Variants in GREM2 observed in about 807,000 individuals in gnomAD.
GREM2 encodes the protein gremlin-2.
GREM2 carries 11 observed loss-of-function variants against 14.2 expected under a neutral mutation model. The observed-to-expected ratio is 0.78, with a 90% confidence interval of 0.49 to 1.28. GREM2 has a LOEUF of 1.28. Among genes scored for constraint, GREM2 ranks in the 50% most tolerant of loss-of-function variants. GREM2 has a pLI of 0.00. For missense variants in GREM2, 210 were observed against 218.5 expected (o/e 0.96, Z 0.24); for synonymous variants, 98 against 97.6 (o/e 1.00, Z -0.02).
At chr1:240,525,202 T>G (rs541057086) in intron 1 of GREM2, among the ~76,000 whole-genome samples, 1 of 152,294 alleles carries the variant, frequency 6.6e-6, no homozygotes, top group South Asian at 2.1e-4. Flanking sequence ...TGTCCTAATT[T>G]CTTTCCTTAA....
intron 1 of GREM2, among the ~76,000 whole-genome samples, chr1:240,506,579 C>A (rs574673163): frequency 6.6e-6 from 1 of 151,930 alleles, no homozygotes; most frequent in South Asian, 2.1e-4. Context: ...ATGGGAGTTA[C>A]GGGAAAAGTG....
chr1:240,550,505 G>A (rs1273552937), intron 1 of GREM2: 1 of 152,328 alleles, frequency 6.6e-6, no homozygotes, highest in East Asian at 1.9e-4. Flanking sequence ...ACCCAGGATG[G>A]AGGATAGCAT....
At chr1:240,595,235 G>C in intron 1 of GREM2, among the ~76,000 whole-genome samples, 1 of 152,182 alleles carries the variant, frequency 6.6e-6, no homozygotes, top group East Asian at 1.9e-4. Flanking sequence ...GGGAGGCTGA[G>C]GCAGGAGAAT....
chr1:240,563,784 C>G (rs1679119100), intron 1 of GREM2, among the ~76,000 whole-genome samples: 1 of 152,188 alleles, frequency 6.6e-6, no homozygotes, highest in African/African-American at 2.4e-5. Context: ...TTTCCTTTAA[C>G]CTTCCTTTTT....
At chr1:240,519,979 C>T (rs1678043864) in intron 1 of GREM2, among the ~76,000 whole-genome samples, 1 of 152,084 alleles carries the variant, frequency 6.6e-6, no homozygotes, top group African/African-American at 2.4e-5. Flanking sequence ...ACTCAGGAGG[C>T]TGAGGCATGA....
At position 240,493,206 on chromosome 1, in the gene GREM2, G is replaced by T. The variant is rs1439972882; in HGVS notation, c.270C>A (p.Arg90=). 1 of 1,613,994 alleles carries T rather than the reference G, an allele frequency of 6.2e-7. No homozygotes were observed. The highest frequency in any genetic ancestry group is 1.7e-5 in the Admixed American group (1 of 60,004). The change falls in exon 2 of 2, where the codon CGC becomes CGA. Residue 90 remains arginine, a synonymous_variant. Coordinates refer to ENST00000318160, the MANE Select transcript of GREM2 (RefSeq NM_022469.4). ...QTVSEEGCRS[R]TILNRFCYGQ... ...CGTAGCAGAAGCGGTTGAGGATGGT[G>T]CGGCTCCGGCAGCCCTCCTCGCTCA...
intron 1 of GREM2, among the ~76,000 whole-genome samples, chr1:240,603,790 AT>A (rs1198145103): frequency 6.6e-6 from 1 of 151,722 alleles, no homozygotes; most frequent in Non-Finnish European, 1.5e-5. Flanking sequence ...TTATTGTGTT[AT>A]TATATATGTA....
Position 240,540,882 on chromosome 1 carries a change from G to C in GREM2, c.-1-47406C>G, listed in dbSNP as rs1248471682. Among the ~76,000 whole-genome samples, 3 of 152,090 alleles carry C rather than the reference G, an allele frequency of 2.0e-5. No homozygotes were observed. Among genetic ancestry groups the C allele is most frequent in the Non-Finnish European group, 4.4e-5 (3 of 68,014 alleles). Reference sequence around the variant, plus strand: ...GGCCGCATAATACTTCTTAAAAGAAGACAGTTACTAAGGAGAGAGATGGCA... The same window carrying C: ...GGCCGCATAATACTTCTTAAAAGAACACAGTTACTAAGGAGAGAGATGGCA... On this transcript the variant is annotated intron_variant, in intron 1 of 1. Coordinates refer to ENST00000318160, the MANE Select transcript of GREM2 (RefSeq NM_022469.4). This position sits in a 1 kb window ranked among gnomAD's most constrained non-coding sequence, Gnocchi z 4.2.
At chr1:240,496,286 G>A (rs1338452791) in intron 1 of GREM2, among the ~76,000 whole-genome samples, 1 of 152,056 alleles carries the variant, frequency 6.6e-6, no homozygotes, top group Admixed American at 6.6e-5. Flanking sequence ...CCACTCCCCT[G>A]CATCTCACCA....
chr1:240,526,299 C>G (rs1356648270), intron 1 of GREM2, among the ~76,000 whole-genome samples: 1 of 152,170 alleles, frequency 6.6e-6, no homozygotes, highest in Non-Finnish European at 1.5e-5. Context: ...ATTTTATAAT[C>G]ATATCATGAC....
At position 240,542,487 on chromosome 1, in the gene GREM2, C is replaced by T. The variant is rs940911073; in HGVS notation, c.-1-49011G>A. The stretch of plus-strand genomic sequence containing the variant: ...AAAATTAGCTGGGTGTGGTGGTGCG[C>T]ACCTGTAGTCCCAGCTACTCGGGAG... On this transcript the variant is annotated intron_variant, in intron 1 of 1. Coordinates refer to ENST00000318160, the MANE Select transcript of GREM2 (RefSeq NM_022469.4). The surrounding 1 kb of genome is among the most constrained non-coding windows in gnomAD (Gnocchi z 4.1). Among the ~76,000 whole-genome samples, 1 of 150,952 alleles carries T rather than the reference C, an allele frequency of 6.6e-6. No individual in the cohort carries two copies. Among genetic ancestry groups the T allele is most frequent in the Non-Finnish European group, 1.5e-5 (1 of 67,816 alleles).
chr1:240,606,840 G>A (rs1277346710), intron 1 of GREM2, among the ~76,000 whole-genome samples: 3 of 151,854 alleles, frequency 2.0e-5, no homozygotes, highest in Non-Finnish European at 2.9e-5. Context: ...CACCATGCCC[G>A]GCTAATTTTG....
intron 1 of GREM2, among the ~76,000 whole-genome samples, chr1:240,558,871 A>G (rs1678993730): frequency 6.6e-6 from 1 of 152,126 alleles, no homozygotes; most frequent in African/African-American, 2.4e-5. Flanking sequence ...TATATTTCCC[A>G]AAACAACAAA....
intron 1 of GREM2, among the ~76,000 whole-genome samples, chr1:240,606,380 T>C (rs2102874670): frequency 6.6e-6 from 1 of 152,348 alleles, no homozygotes; most frequent in African/African-American, 2.4e-5. Context: ...AAATTTGAGC[T>C]ATTACAATGA....
chr1:240,585,261 C>A (rs1463857368), intron 1 of GREM2, among the ~76,000 whole-genome samples: 1 of 152,084 alleles, frequency 6.6e-6, no homozygotes, highest in African/African-American at 2.4e-5. Flanking sequence ...AAAGGAGACA[C>A]CCCCTCTTAG....
At chr1:240,549,006 A>G (rs1678791815) in intron 1 of GREM2, among the ~76,000 whole-genome samples, 1 of 152,212 alleles carries the variant, frequency 6.6e-6, no homozygotes, top group South Asian at 2.1e-4. Flanking sequence ...AAACAGATCC[A>G]GTCAAGGAAG....
chr1:240,544,426 C>T lies in GREM2; in HGVS notation c.-1-50950G>A, dbSNP rs182295919. Among the ~76,000 whole-genome samples, 163 of 152,210 alleles carry T rather than the reference C, an allele frequency of 1.1e-3. 1 individual carries two copies. The highest frequency in any genetic ancestry group is 3.5e-3 in the African/African-American group (146 of 41,532). ...CCTCCCAAAGTGCTGGGATTACAGG[C>T]GTGAGCCACCGCGCCTGGCCAGTAC... On this transcript the variant is annotated intron_variant, in intron 1 of 1. Coordinates refer to ENST00000318160, the MANE Select transcript of GREM2 (RefSeq NM_022469.4).
rs1274623650 is a variant in GREM2, at chr1:240,540,513, C to T, written c.-1-47037G>A. On this transcript the variant is annotated intron_variant, in intron 1 of 1. Transcript: ENST00000318160. This position sits in a 1 kb window ranked among gnomAD's most constrained non-coding sequence, Gnocchi z 4.2. ...TGTTCTAGTAAGACTGGAATCACTA[C>T]CATTAACAGCAAAGAACACAAACAG... 6.6e-6 allele frequency among the ~76,000 whole-genome samples: 1 copy of T among 151,798 alleles called. No homozygotes were observed. Among genetic ancestry groups the T allele is most frequent in the Admixed American group, 6.6e-5 (1 of 15,232 alleles).
chr1:240,554,715 T>G (rs770110754), intron 1 of GREM2, among the ~76,000 whole-genome samples: 1 of 152,246 alleles, frequency 6.6e-6, no homozygotes, highest in Non-Finnish European at 1.5e-5. Context: ...ATGGTTTTCA[T>G]GTATGCTTAA....
Sources: gnomAD v4.1 joint callset for allele counts (sites outside exome capture counted in the v4.1 genomes callset) on GRCh38, gnomAD v4.1.1 for gene constraint, Gnocchi (gnomAD v3.1) non-coding constraint, MANE v1.5 for transcripts, NCBI Gene and HGNC (gene_info 2026-07-23, HGNC 2026-07-21) for gene names.